Variants in ANO3 observed in about 807,000 individuals in gnomAD.
The protein encoded by ANO3 is anoctamin-3.
Under a neutral mutation model 144.8 loss-of-function variants are expected in ANO3, and 99 were observed. The observed-to-expected ratio is 0.68, with a 90% CI of 0.58 to 0.81. The LOEUF (loss-of-function observed/expected upper bound fraction) is 0.81, where lower values mean the gene tolerates loss of function less well. ANO3 is among the 30% of genes least tolerant of loss of function. The pLI, the probability that ANO3 is intolerant of heterozygous loss-of-function variation, is 0.00. For synonymous variants in ANO3, 414 were observed against 392.6 expected, an observed-to-expected ratio of 1.05 and a Z score of -0.64; for missense variants, 905 against 1,202.2, an observed-to-expected ratio of 0.75 and a Z score of 3.66.
At chr11:26,388,443 T>C (rs1856791043) in intron 1 of ANO3, among the ~76,000 whole-genome samples, 1 of 152,156 alleles carries the variant, frequency 6.6e-6, no homozygotes, top group Non-Finnish European at 1.5e-5. Context: ...ACACAACAAA[T>C]GAATTAATAC....
At chr11:26,634,925 C>G in intron 19 of ANO3, 88 bp from the exon 20 acceptor site, 7 of 1,045,080 alleles carry the variant, frequency 6.7e-6, no homozygotes, top group Non-Finnish European at 1.0e-5. Context: ...TTTATGTCTA[C>G]CCACACATGC....
At chr11:26,483,008 T>G (rs1860286661) in intron 4 of ANO3, among the ~76,000 whole-genome samples, 2 of 152,208 alleles carry the variant, frequency 1.3e-5, no homozygotes, top group African/African-American at 4.8e-5. Context: ...TCTTTGCTAT[T>G]GTGAACAGTG....
chr11:26,369,572 C>T (rs1424148659), intron 1 of ANO3, among the ~76,000 whole-genome samples: 1 of 152,044 alleles, frequency 6.6e-6, no homozygotes, highest in African/African-American at 2.4e-5. Context: ...TTTCCCTTTT[C>T]TTCTTTACCT....
intron 1 of ANO3, among the ~76,000 whole-genome samples, chr11:26,346,816 G>A (rs143492979): frequency 9.2e-5 from 14 of 152,234 alleles, no homozygotes; most frequent in Non-Finnish European, 1.9e-4. Flanking sequence ...CTCTCTGTTT[G>A]CCAATCATTT....
At chr11:26,247,190 T>G (rs1399962672) in intron 1 of ANO3, among the ~76,000 whole-genome samples, 3 of 152,202 alleles carry the variant, frequency 2.0e-5, no homozygotes. Context: ...AATTATATTT[T>G]TATTGAGTGC....
intron 1 of ANO3, among the ~76,000 whole-genome samples, chr11:26,345,153 C>G (rs1855467281): frequency 6.6e-6 from 1 of 152,162 alleles, no homozygotes. Context: ...AGGGCAATCT[C>G]TCTCTTCTTC....
intron 14 of ANO3, chr11:26,560,541 G>A (rs1431262966): frequency 6.5e-6 from 1 of 152,928 alleles, no homozygotes; most frequent in African/African-American, 2.4e-5. Flanking sequence ...ATACAGGTCT[G>A]TCATTTCTAT....
At chr11:26,569,069 G>A (rs1468056569) in intron 14 of ANO3, among the ~76,000 whole-genome samples, 1 of 151,962 alleles carries the variant, frequency 6.6e-6, no homozygotes, top group Non-Finnish European at 1.5e-5. Flanking sequence ...GAGAGACATG[G>A]CATTGAGCTT....
rs1410601685 is a variant in ANO3, at chr11:26,656,358, T to C, written c.2658-18T>C. On this transcript the variant is annotated intron_variant, in intron 25 of 26. Coordinates refer to ENST00000256737, the MANE Select transcript of ANO3 (RefSeq NM_031418.4). Reference sequence around the variant, plus strand: ...TTTGATCTCTATTTGTCATTCTCTTTGTTTTTGTGGATTTCAGGTACAGAG... The same window carrying C: ...TTTGATCTCTATTTGTCATTCTCTTCGTTTTTGTGGATTTCAGGTACAGAG... 3.2e-6 allele frequency: 5 copies of C among 1,556,100 alleles called. 1 individual carries two copies. The highest frequency in any genetic ancestry group is 1.7e-4 in the Middle Eastern group (1 of 5,904).
chr11:26,353,609 G>A (rs1037309817), intron 1 of ANO3, among the ~76,000 whole-genome samples: 19 of 151,784 alleles, frequency 1.3e-4, no homozygotes, highest in African/African-American at 3.6e-4. Flanking sequence ...TCTCGCTGTC[G>A]CCAGGCTGGA....
intron 3 of ANO3, among the ~76,000 whole-genome samples, chr11:26,456,104 C>T (rs992392672): frequency 2.0e-5 from 3 of 151,958 alleles, no homozygotes; most frequent in Admixed American, 1.3e-4. Flanking sequence ...AACATTAGAC[C>T]TAAAACCATA....
chr11:26,432,311 T>C (rs1858133901), intron 1 of ANO3, among the ~76,000 whole-genome samples: 1 of 152,150 alleles, frequency 6.6e-6, no homozygotes, highest in South Asian at 2.1e-4. Flanking sequence ...GGATATTAGA[T>C]CTCTGTCAGA....
intron 1 of ANO3, among the ~76,000 whole-genome samples, chr11:26,376,325 G>A (rs1856405189): frequency 6.6e-6 from 1 of 151,868 alleles, no homozygotes; most frequent in Non-Finnish European, 1.5e-5. Context: ...ATACAAAATT[G>A]ATTAAACACT....
intron 24 of ANO3, among the ~76,000 whole-genome samples, chr11:26,655,757 G>A (rs891942799): frequency 1.3e-5 from 2 of 152,002 alleles, no homozygotes; most frequent in Non-Finnish European, 2.9e-5. Flanking sequence ...AATAAGCAAT[G>A]TTTATTAACT....
intron 4 of ANO3, among the ~76,000 whole-genome samples, chr11:26,484,629 G>A (rs978533030): frequency 2.6e-5 from 4 of 152,204 alleles, no homozygotes; most frequent in Non-Finnish European, 4.4e-5. Flanking sequence ...AGTCCCCACT[G>A]GAGAACTGCC....
chr11:26,352,386 A>C (rs1243857031), intron 1 of ANO3, among the ~76,000 whole-genome samples: 1 of 152,046 alleles, frequency 6.6e-6, no homozygotes, highest in Non-Finnish European at 1.5e-5. Context: ...TTTATTTTTA[A>C]AATATATTTT....
At chr11:26,345,839 C>CA (rs568111706) in intron 1 of ANO3, among the ~76,000 whole-genome samples, 37 of 152,136 alleles carry the variant, frequency 2.4e-4, no homozygotes, top group African/African-American at 7.2e-4. Flanking sequence ...AAAAATATGC[C>CA]AAAATAGGTA....
intron 1 of ANO3, among the ~76,000 whole-genome samples, chr11:26,196,470 A>C (rs117451782): frequency 1.7e-3 from 259 of 152,286 alleles, no homozygotes; most frequent in Non-Finnish European, 3.1e-3. Flanking sequence ...GGCCATCATG[A>C]AGCCATTTCT....
intron 4 of ANO3, among the ~76,000 whole-genome samples, chr11:26,501,441 T>A (rs1602940): frequency 6.6e-6 from 1 of 152,074 alleles, no homozygotes; most frequent in Non-Finnish European, 1.5e-5. Flanking sequence ...AGAAAAGGAG[T>A]ACTGTGGGTG....
Sources: gnomAD v4.1 joint callset for allele counts (sites outside exome capture counted in the v4.1 genomes callset) on GRCh38, gnomAD v4.1.1 for gene constraint, MANE v1.5 for transcripts, NCBI Gene and HGNC (gene_info 2026-07-23, HGNC 2026-07-21) for gene names.